Variants in SCAI observed in about 807,000 individuals in gnomAD.
SCAI encodes the protein suppressor of cancer cell invasion, also known as protein SCAI.
In SCAI, 24 loss-of-function variants were observed where a neutral mutation model predicts 92.2. The ratio of observed to expected loss-of-function variants is 0.26; its 90% CI spans 0.19 to 0.37. SCAI has a LOEUF of 0.37. Ranked by LOEUF, SCAI falls within the 10% of genes least tolerant of loss-of-function variation. The probability of loss-of-function intolerance (pLI) is 1.00; values close to 1 mark genes in which losing one functional copy is unlikely to be tolerated. For synonymous variants in SCAI, 261 were observed against 258.6 expected (o/e 1.01, Z -0.09); for missense variants, 450 against 736.2 (o/e 0.61, Z 4.50).
At chr9:125,010,250 A>C (rs1304827792) in intron 9 of SCAI, among the ~76,000 whole-genome samples, 1 of 152,222 alleles carries the variant, frequency 6.6e-6, no homozygotes, top group Non-Finnish European at 1.5e-5. Context: ...CGGGAAGCGC[A>C]AGGGGTCAGG....
chr9:124,968,307 C>A, intron 17 of SCAI: 1 of 1,211,558 alleles, frequency 8.3e-7, no homozygotes. Flanking sequence ...AGCGTCTTCT[C>A]CAGAATAGGC....
chr9:125,086,262 A>C (rs1834324620), intron 2 of SCAI, among the ~76,000 whole-genome samples: 1 of 152,196 alleles, frequency 6.6e-6, no homozygotes, highest in Non-Finnish European at 1.5e-5. Flanking sequence ...CACTGTTTCC[A>C]GGCAACTCCA....
chr9:124,971,351 AAT>A lies in SCAI; in HGVS notation c.1674+17_1674+18del. 1 of 1,469,896 alleles carries A rather than the reference AAT, an allele frequency of 6.8e-7. No homozygotes were observed. The highest frequency in any genetic ancestry group is 9.4e-7 in the Non-Finnish European group (1 of 1,063,272). The allele number at this position is 1,469,896 out of a possible 1,614,324, so 91.1% of individuals were successfully genotyped here. A position where few individuals can be genotyped will look rare whatever the true frequency, so the allele number is the denominator to read the frequency against. Reference sequence around the variant, plus strand: ...ACCTAAAATGATAAAATTCGTCTTTAATAATGTTCTTTGCCTACCCGAAAAAT... The same window carrying A: ...ACCTAAAATGATAAAATTCGTCTTTAAATGTTCTTTGCCTACCCGAAAAAT... On this transcript the variant is annotated intron_variant, in intron 17 of 17. Coordinates refer to ENST00000336505, the MANE Select transcript of SCAI (RefSeq NM_001144877.3).
intron 17 of SCAI, among the ~76,000 whole-genome samples, chr9:124,959,780 G>A (rs1177385463): frequency 2.7e-5 from 4 of 147,554 alleles, no homozygotes; most frequent in Non-Finnish European, 4.4e-5. Context: ...GTGAGAAGAT[G>A]TGGTGTTTGG....
At chr9:125,128,561 G>A (rs934441140) in intron 2 of SCAI, among the ~76,000 whole-genome samples, 4 of 151,356 alleles carry the variant, frequency 2.6e-5, no homozygotes, top group African/African-American at 9.7e-5. Flanking sequence ...AGACCATCCT[G>A]GCTAACACAG....
Position 124,971,903 on chromosome 9 carries a change from A to G in SCAI, c.1400-59T>C, listed in dbSNP as rs1399055344. The stretch of plus-strand genomic sequence containing the variant: ...TAGTTTTGCAAAAGATAAGAGATAC[A>G]TATGAGGAACATTTTAATATACTGA... On this transcript the variant is annotated intron_variant, in intron 15 of 17. Transcript: ENST00000336505. 7 of 982,916 alleles carry G rather than the reference A, an allele frequency of 7.1e-6. No individual in the cohort carries two copies. In the African/African-American group the frequency reaches 1.2e-4, roughly 16 times the overall value. The allele number at this position is 982,916 out of a possible 1,614,324, so 60.9% of individuals were successfully genotyped here. A position where few individuals can be genotyped will look rare whatever the true frequency, so the allele number is the denominator to read the frequency against.
intron 17 of SCAI, among the ~76,000 whole-genome samples, chr9:124,963,920 C>T (rs530897674): frequency 2.2e-4 from 33 of 151,844 alleles, no homozygotes; most frequent in African/African-American, 7.5e-4. Context: ...CTTGCTGTCT[C>T]AGGGGTGGCA....
chr9:125,051,821 A>T (rs1206035078), intron 3 of SCAI, among the ~76,000 whole-genome samples: 3 of 152,082 alleles, frequency 2.0e-5, no homozygotes, highest in Admixed American at 2.0e-4. Context: ...GTAATCCCAG[A>T]ACTTTGGGAG....
intron 14 of SCAI, among the ~76,000 whole-genome samples, chr9:124,985,866 T>TAAA (rs199869823): frequency 1.7e-5 from 1 of 58,466 alleles, no homozygotes; most frequent in Non-Finnish European, 3.7e-5. Context: ...TCTGTCTCAA[T>TAAA]AAAAAAAAAA....
intron 9 of SCAI, among the ~76,000 whole-genome samples, chr9:125,008,875 T>G (rs535271278): frequency 5.1e-4 from 77 of 151,998 alleles, no homozygotes; most frequent in African/African-American, 1.8e-3. Flanking sequence ...GCAGGATAAA[T>G]AAAGAAAACT....
intron 14 of SCAI, among the ~76,000 whole-genome samples, chr9:124,987,235 G>A: frequency 6.6e-6 from 1 of 152,160 alleles, no homozygotes; most frequent in South Asian, 2.1e-4. Flanking sequence ...TGTTGGTCAG[G>A]CTGGTTTCAA....
chr9:125,106,785 T>G (rs1435483841), intron 2 of SCAI, among the ~76,000 whole-genome samples: 1 of 144,426 alleles, frequency 6.9e-6, no homozygotes, highest in Admixed American at 7.2e-5. Context: ...CACCACTCAC[T>G]GCAGCCTTGA....
chr9:125,106,056 C>G (rs1350099647), intron 2 of SCAI, among the ~76,000 whole-genome samples: 1 of 127,940 alleles, frequency 7.8e-6, no homozygotes, highest in Non-Finnish European at 1.6e-5. Context: ...AAGATCACAC[C>G]ACTGCACTCC....
chr9:124,984,366 A>G (rs1214410246), intron 14 of SCAI, among the ~76,000 whole-genome samples: 1 of 152,186 alleles, frequency 6.6e-6, no homozygotes, highest in Non-Finnish European at 1.5e-5. Flanking sequence ...GCCATTGGTG[A>G]TTTTGAGTAG....
At chr9:125,105,649 C>T (rs757514024) in intron 2 of SCAI, among the ~76,000 whole-genome samples, 9 of 152,128 alleles carry the variant, frequency 5.9e-5, no homozygotes, top group Non-Finnish European at 1.3e-4. Flanking sequence ...CAGATAAATA[C>T]TTTGGCACAA....
At chr9:125,002,089 A>G (rs771749483) in intron 11 of SCAI, 46 bp from the exon 12 acceptor site, 39 of 1,266,312 alleles carry the variant, frequency 3.1e-5, no homozygotes, top group Non-Finnish European at 4.1e-5. Context: ...AACAAGGATA[A>G]ACAACATGGT....
intron 2 of SCAI, among the ~76,000 whole-genome samples, chr9:125,100,123 A>G (rs1834648579): frequency 1.3e-5 from 2 of 152,254 alleles, no homozygotes; most frequent in South Asian, 2.1e-4. Context: ...ACTTTAATGT[A>G]AGATTTTAAA....
chr9:124,953,582 C>A (rs907134781), intron 17 of SCAI, among the ~76,000 whole-genome samples: 1 of 152,040 alleles, frequency 6.6e-6, no homozygotes, highest in Non-Finnish European at 1.5e-5. Context: ...GTTGAGATCA[C>A]GCCATTGCAC....
intron 2 of SCAI, among the ~76,000 whole-genome samples, chr9:125,076,325 C>T (rs1223882082): frequency 6.7e-6 from 1 of 149,286 alleles, no homozygotes; most frequent in Non-Finnish European, 1.5e-5. Flanking sequence ...ATGGTGAGAC[C>T]CCATTGCTAC....
Sources: allele counts gnomAD v4.1 joint callset (sites outside exome capture counted in the v4.1 genomes callset), GRCh38; gene constraint gnomAD v4.1.1; transcripts MANE v1.5; gene names NCBI Gene and HGNC (gene_info 2026-07-23, HGNC 2026-07-21).